ORC2: variants seen among roughly 807,000 people sequenced by gnomAD.
ORC2 encodes the protein origin recognition complex subunit 2.
In ORC2, 37 loss-of-function variants were observed where a neutral mutation model predicts 77.7. That is an observed-to-expected ratio of 0.48 (90% CI 0.37 to 0.63). The LOEUF (loss-of-function observed/expected upper bound fraction) is 0.63, where lower values mean the gene tolerates loss of function less well. ORC2 is among the 20% of genes least tolerant of loss of function. The pLI, the probability that ORC2 is intolerant of heterozygous loss-of-function variation, is 0.00. For synonymous variants in ORC2, 201 were observed against 229.5 expected, an observed-to-expected ratio of 0.88 and a Z score of 1.12; for missense variants, 557 against 661.9, an observed-to-expected ratio of 0.84 and a Z score of 1.74.
At chr2:200,929,495 T>G (rs148318976) in intron 11 of ORC2, among the ~76,000 whole-genome samples, 22 of 152,176 alleles carry the variant, frequency 1.4e-4, no homozygotes, top group African/African-American at 4.3e-4. Context: ...AAAGAATACT[T>G]AAGAATGACT....
chr2:200,942,819 A>G (rs1356201899), intron 5 of ORC2, 42 bp from the exon 6 acceptor site: 11 of 1,199,838 alleles, frequency 9.2e-6, no homozygotes, highest in Non-Finnish European at 1.3e-5. Flanking sequence ...AAAGGACAAC[A>G]GTAGATAAAG....
chr2:200,960,803 G>T (rs190842053), intron 1 of ORC2, among the ~76,000 whole-genome samples: 1 of 151,942 alleles, frequency 6.6e-6, no homozygotes, highest in East Asian at 1.9e-4. Flanking sequence ...TTCTAAGATG[G>T]AGTCTGGCTG....
intron 13 of ORC2, among the ~76,000 whole-genome samples, chr2:200,923,845 A>G (rs1172030024): frequency 1.3e-5 from 2 of 152,206 alleles, no homozygotes; most frequent in Non-Finnish European, 2.9e-5. Flanking sequence ...AAGAAGGCAA[A>G]GCATTGCCTT....
At chr2:200,947,939 C>T (rs1488458125) in intron 5 of ORC2, among the ~76,000 whole-genome samples, 3 of 151,512 alleles carry the variant, frequency 2.0e-5, no homozygotes, top group African/African-American at 2.4e-5. Context: ...GACTGAGTCT[C>T]GCTCTGTCGC....
At chr2:200,950,483 G>A (rs1221434071) in intron 4 of ORC2, among the ~76,000 whole-genome samples, 2 of 152,104 alleles carry the variant, frequency 1.3e-5, no homozygotes, top group Non-Finnish European at 2.9e-5. Context: ...AGGGTTGCTA[G>A]GATCCCTGAG....
At position 200,913,389 on chromosome 2, in the gene ORC2, T is replaced by C; in HGVS notation, c.1553A>G (p.Gln518Arg). The C allele has an allele frequency of 1.3e-6, 2 of 1,594,162 alleles. No individual in the cohort carries two copies. The highest frequency in any genetic ancestry group is 1.7e-6 in the Non-Finnish European group (2 of 1,167,084). The change falls in exon 17 of 18, where the codon CAG becomes CGG. Residue 518 changes from glutamine to arginine, a missense_variant. Coordinates refer to ENST00000234296, the MANE Select transcript of ORC2 (RefSeq NM_006190.5). ...GACGAGGAATGCCTCCCGACACTGC[T>C]GGTAAAAATCTTGAAAAGAAAGGCC... ...YIGLSFQDFY[Q>R]QCREAFLVNS...
At chr2:200,947,148 T>C (rs1312257740) in intron 5 of ORC2, among the ~76,000 whole-genome samples, 2 of 152,034 alleles carry the variant, frequency 1.3e-5, no homozygotes, top group East Asian at 1.9e-4. Context: ...GTGATCCACC[T>C]ACCTCGGCCT....
At chr2:200,936,377 G>C (rs1366809641) in intron 8 of ORC2, among the ~76,000 whole-genome samples, 3 of 152,184 alleles carry the variant, frequency 2.0e-5, no homozygotes, top group African/African-American at 7.2e-5. Flanking sequence ...ATAGCTGGCA[G>C]CTTCTGAGAA....
intron 5 of ORC2, among the ~76,000 whole-genome samples, chr2:200,946,745 C>T (rs1043551300): frequency 1.3e-5 from 2 of 152,226 alleles, no homozygotes; most frequent in South Asian, 4.2e-4. Flanking sequence ...AATAATTCTC[C>T]TCTTTCTCCA....
intron 1 of ORC2, 183 bp downstream of exon 1, chr2:200,963,307 G>C: frequency 5.0e-6 from 2 of 397,006 alleles, no homozygotes; most frequent in Non-Finnish European, 8.9e-6. Flanking sequence ...CCCCCGGGCA[G>C]CCTGCGGGGG....
chr2:200,939,380 A>T (rs2041107163), intron 7 of ORC2, among the ~76,000 whole-genome samples: 1 of 152,184 alleles, frequency 6.6e-6, no homozygotes, highest in African/African-American at 2.4e-5. Flanking sequence ...TCAAAAAGAC[A>T]AGACTAATAA....
chr2:200,944,208 C>G (rs539089102), intron 5 of ORC2, among the ~76,000 whole-genome samples: 1 of 152,176 alleles, frequency 6.6e-6, no homozygotes, highest in Non-Finnish European at 1.5e-5. Context: ...GAGTCTTGCT[C>G]TGTCGCCCAG....
chr2:200,947,867 C>G (rs1575178403), intron 5 of ORC2, among the ~76,000 whole-genome samples: 1 of 152,074 alleles, frequency 6.6e-6, no homozygotes, highest in East Asian at 1.9e-4. Flanking sequence ...TCCCAAGTAG[C>G]TGGGACTATA....
At chr2:200,911,619 A>G (rs951223704) in intron 17 of ORC2, among the ~76,000 whole-genome samples, 3 of 151,500 alleles carry the variant, frequency 2.0e-5, no homozygotes, top group African/African-American at 7.3e-5. Flanking sequence ...GTGGGTATTT[A>G]TTTTTTTCAT....
intron 9 of ORC2, among the ~76,000 whole-genome samples, chr2:200,934,736 TA>T (rs1319199584): frequency 6.6e-6 from 1 of 151,880 alleles, no homozygotes; most frequent in African/African-American, 2.4e-5. Flanking sequence ...CACAAACAAA[TA>T]AAAAAACTGG....
At chr2:200,954,903 T>C (rs1378603775) in intron 4 of ORC2, among the ~76,000 whole-genome samples, 1 of 134,778 alleles carries the variant, frequency 7.4e-6, no homozygotes, top group Non-Finnish European at 1.6e-5. Flanking sequence ...AATGAATGAA[T>C]GAATAAATAA....
chr2:200,935,154 C>T (rs1056059626), intron 9 of ORC2, among the ~76,000 whole-genome samples: 1 of 152,136 alleles, frequency 6.6e-6, no homozygotes, highest in Admixed American at 6.6e-5. Context: ...GACGGAGTTT[C>T]GTTCTTATTG....
intron 4 of ORC2, among the ~76,000 whole-genome samples, chr2:200,953,018 G>A (rs1027253047): frequency 6.6e-6 from 1 of 151,048 alleles, no homozygotes; most frequent in Non-Finnish European, 1.5e-5. Context: ...AGGCTTAGGT[G>A]GGAGGATCAC....
At chr2:200,925,792 G>A (rs371356722) in intron 13 of ORC2, 44 bp downstream of exon 13, 7 of 836,624 alleles carry the variant, frequency 8.4e-6, no homozygotes, top group Non-Finnish European at 1.2e-5. Context: ...AGAAGTATAT[G>A]CTTAACTTTA....
Sources: allele counts gnomAD v4.1 joint callset (sites outside exome capture counted in the v4.1 genomes callset), GRCh38; gene constraint gnomAD v4.1.1; transcripts MANE v1.5; gene names NCBI Gene and HGNC (gene_info 2026-07-23, HGNC 2026-07-21).